The following CCSAP variants were observed in gnomAD, a reference collection of about 807,000 sequenced individuals.
CCSAP encodes the protein centriole, cilia and spindle associated protein.
In CCSAP, 17 loss-of-function variants were observed where a neutral mutation model predicts 25.9. The ratio of observed to expected loss-of-function variants is 0.66; its 90% CI spans 0.45 to 0.99. The LOEUF is 0.99. CCSAP is among the 50% of genes least tolerant of loss of function. The probability of loss-of-function intolerance (pLI) is 0.00; values close to 1 mark genes in which losing one functional copy is unlikely to be tolerated. For missense variants in CCSAP, 339 were observed against 367.8 expected (o/e 0.92, Z 0.64); for synonymous variants, 169 against 157.1 (o/e 1.08, Z -0.57).
In CCSAP at chr1:229,327,460, C is replaced by T. The variant is rs75541202; in HGVS notation, c.368-454G>A. On this transcript the variant is annotated intron_variant, in intron 2 of 3. Coordinates refer to ENST00000284617, the MANE Select transcript of CCSAP (RefSeq NM_145257.5). Reference sequence around the variant, plus strand: ...ACCCGAAAATGCTCCTTAGTCCTTCCGTGCTCCTCCTGAGAGCCGCTTCCT... The same window carrying T: ...ACCCGAAAATGCTCCTTAGTCCTTCTGTGCTCCTCCTGAGAGCCGCTTCCT... The T allele has an allele frequency of 4.9e-3, 2,224 of 453,956 alleles. 32 individuals are homozygous for T. The highest frequency in any genetic ancestry group is 0.04 in the African/African-American group (1,998 of 49,980). The allele number at this position is 453,956 out of a possible 1,614,324, so 28.1% of individuals were successfully genotyped here. A position where few individuals can be genotyped will look rare whatever the true frequency, so the allele number is the denominator to read the frequency against.
At position 229,342,128 on chromosome 1, in the gene CCSAP, G is replaced by A. The variant is rs757639581; in HGVS notation, c.338C>T (p.Ala113Val). ...CAGAGCCGCGTCCTCCGCGTCCTCG[G>A]CCTCCGCGTCCCCGGCCTCCGCGTC... ...EQDAEAGDAE[A>V]EDAEDAALPA... Residue 113 changes from alanine to valine, a missense_variant, in exon 2 of 4, where the codon GCC (alanine) becomes GTC (valine). Ala to Val is a moderately conservative substitution (Grantham distance 64). Transcript: ENST00000284617. The surrounding 1 kb of genome is among the most constrained non-coding windows in gnomAD (Gnocchi z 7.5). 2 of 1,342,858 alleles carry A rather than the reference G, an allele frequency of 1.5e-6. No individual in the cohort carries two copies. Among genetic ancestry groups the A allele is most frequent in the Non-Finnish European group, 1.9e-6 (2 of 1,047,498 alleles). 83.2% of individuals were successfully genotyped at this position (1,342,858 alleles called of 1,614,324 possible).
rs1316475495 is a variant in CCSAP at position 229,341,211 on chromosome 1, A to AAAAAAAAC, written c.367+887_367+888insGTTTTTTT. ...TCCGTCTCAAAAAAAAAAAAAAAAAAAGATTACAACATGGTCTCTTTTGGG... is the reference window on the plus strand; with the variant it reads ...TCCGTCTCAAAAAAAAAAAAAAAAAAAAAAAAACAGATTACAACATGGTCTCTTTTGGG... On this transcript the variant is annotated intron_variant, in intron 2 of 3. Coordinates refer to ENST00000284617, the MANE Select transcript of CCSAP (RefSeq NM_145257.5). Among the ~76,000 whole-genome samples the AAAAAAAAC allele has an allele frequency of 1.1e-4, 16 of 151,846 alleles. 1 individual carries two copies. Among genetic ancestry groups the AAAAAAAAC allele is most frequent in the Non-Finnish European group, 1.5e-4 (10 of 67,914 alleles).
rs1257465696 is a variant in CCSAP, at chr1:229,322,718, A to G, written c.*2517T>C. The G allele has an allele frequency of 6.6e-6, 1 of 152,196 alleles. No individual in the cohort carries two copies. Among genetic ancestry groups the G allele is most frequent in the Non-Finnish European group, 1.5e-5 (1 of 68,028 alleles). The allele number at this position is 152,196 out of a possible 1,614,324, so 9.4% of individuals were successfully genotyped here. ...GTTCACTTCTCCTCCCGCGGACTTAATGTCCAGCAGAGTGCTAGACAATAT... is the reference window on the plus strand; with the variant it reads ...GTTCACTTCTCCTCCCGCGGACTTAGTGTCCAGCAGAGTGCTAGACAATAT... On this transcript the variant is annotated 3_prime_UTR_variant, in exon 4 of 4. Coordinates refer to ENST00000284617, the MANE Select transcript of CCSAP (RefSeq NM_145257.5).
chr1:229,336,748 T>G (rs1489708841), intron 2 of CCSAP, among the ~76,000 whole-genome samples: 1 of 152,196 alleles, frequency 6.6e-6, no homozygotes, highest in African/African-American at 2.4e-5. Context: ...AGGCAGGGAA[T>G]GGAAGACAGC....
intron 3 of CCSAP, among the ~76,000 whole-genome samples, chr1:229,325,868 C>T (rs1198255983): frequency 1.3e-5 from 2 of 152,178 alleles, no homozygotes; most frequent in Non-Finnish European, 2.9e-5. Flanking sequence ...ACAGATAAAT[C>T]CTGTTAAAAT....
At chr1:229,334,885 CAGGCAAA>C (rs1658162467) in intron 2 of CCSAP, among the ~76,000 whole-genome samples, 2 of 152,112 alleles carry the variant, frequency 1.3e-5, no homozygotes, top group African/African-American at 4.8e-5. Context: ...GTGATGACAT[CAGGCAAA>C]AGGCATCAAT....
In CCSAP at chr1:229,342,057, C is replaced by G; in HGVS notation, c.367+42G>C. The G allele has an allele frequency of 1.5e-6, 2 of 1,303,406 alleles. No individual in the cohort carries two copies. Among genetic ancestry groups the G allele is most frequent in the Non-Finnish European group, 1.9e-6 (2 of 1,027,006 alleles). The allele number at this position is 1,303,406 out of a possible 1,614,324, so 80.7% of individuals were successfully genotyped here. ...CTGCTCAGAGCTTAGAGCAAACCGT[C>G]CCTGCGTGCAGGCCCCTCGCGCTCC... On this transcript the variant is annotated intron_variant, in intron 2 of 3. Coordinates refer to ENST00000284617, the MANE Select transcript of CCSAP (RefSeq NM_145257.5). The surrounding 1 kb of genome is among the most constrained non-coding windows in gnomAD (Gnocchi z 7.5).
At chr1:229,336,486 T>C (rs1180355508) in intron 2 of CCSAP, among the ~76,000 whole-genome samples, 1 of 152,098 alleles carries the variant, frequency 6.6e-6, no homozygotes, top group African/African-American at 2.4e-5. Context: ...TTATTCCCCA[T>C]GAGACAGGAG....
intron 2 of CCSAP, among the ~76,000 whole-genome samples, chr1:229,331,816 T>TATTATTATC (rs1658076931): frequency 6.8e-6 from 1 of 147,304 alleles, no homozygotes; most frequent in Non-Finnish European, 1.5e-5. Flanking sequence ...TTATTATTAT[T>TATTATTATC]ATTATTATTA....
rs547185841 is a variant in CCSAP at position 229,323,321 on chromosome 1, T to C, written c.*1914A>G. On this transcript the variant is annotated 3_prime_UTR_variant, in exon 4 of 4. Coordinates refer to ENST00000284617, the MANE Select transcript of CCSAP (RefSeq NM_145257.5). ...TCTAAACAAGAGAAAAGTCTGGCGG[T>C]TCAAAGTCTAGAGGAAGTCGGGTTT... 6.6e-6 allele frequency: 1 copy of C among 152,310 alleles called. No individual in the cohort carries two copies. Among genetic ancestry groups the C allele is most frequent in the South Asian group, 2.1e-4 (1 of 4,830 alleles). 9.4% of individuals were successfully genotyped at this position (152,310 alleles called of 1,614,324 possible). A position where few individuals can be genotyped will look rare whatever the true frequency, so the allele number is the denominator to read the frequency against.
chr1:229,340,810 AAG>A (rs1189285095), intron 2 of CCSAP, among the ~76,000 whole-genome samples: 6 of 152,212 alleles, frequency 3.9e-5, no homozygotes, highest in African/African-American at 1.4e-4. Flanking sequence ...AGAAGCCAGG[AAG>A]AGTCTGATTG....
At chr1:229,333,652 G>A (rs1658134382) in intron 2 of CCSAP, among the ~76,000 whole-genome samples, 1 of 151,982 alleles carries the variant, frequency 6.6e-6, no homozygotes, top group African/African-American at 2.4e-5. Context: ...AGCTGAGGCG[G>A]GTGCATAGCC....
At chr1:229,332,291 G>A (rs920288070) in intron 2 of CCSAP, among the ~76,000 whole-genome samples, 14 of 152,000 alleles carry the variant, frequency 9.2e-5, no homozygotes, top group African/African-American at 3.1e-4. Context: ...CTCGACTTTC[G>A]ACTGGTGGGA....
intron 3 of CCSAP, among the ~76,000 whole-genome samples, chr1:229,325,762 G>A (rs1326129034): frequency 5.9e-5 from 9 of 152,178 alleles, no homozygotes; most frequent in Non-Finnish European, 1.3e-4. Flanking sequence ...CTTATAAACA[G>A]CTCATAAAAA....
At chr1:229,327,633 G>C in intron 2 of CCSAP, 1 of 454,468 alleles carries the variant, frequency 2.2e-6, no homozygotes, top group Non-Finnish European at 4.4e-6. Flanking sequence ...ACTTTGGGAG[G>C]CCGAGGCGAG....
At chr1:229,337,702 C>CATATATATATATATAT (rs1394833041) in intron 2 of CCSAP, among the ~76,000 whole-genome samples, 7 of 48,534 alleles carry the variant, frequency 1.4e-4, no homozygotes, top group Non-Finnish European at 2.6e-4. Context: ...TATATATACA[C>CATATATATATATATAT]ATACATATAT....
At position 229,323,072 on chromosome 1, in the gene CCSAP, AAAAG is replaced by A. The variant is rs1297882873; in HGVS notation, c.*2159_*2162del. 2.6e-5 allele frequency: 4 copies of A among 152,218 alleles called. No individual in the cohort carries two copies. The allele number at this position is 152,218 out of a possible 1,614,324, so 9.4% of individuals were successfully genotyped here. On this transcript the variant is annotated 3_prime_UTR_variant, in exon 4 of 4. Transcript: ENST00000284617. ...TCAAAAGGTAATTGACACTCTTTAA[AAAAG>A]AAAGAAAAGAAACCCTAACCAACTA... is the stretch of plus-strand genomic sequence containing the variant.
rs534927194 is a variant in CCSAP at position 229,336,140 on chromosome 1, G to A, written c.367+5959C>T. Among the ~76,000 whole-genome samples the A allele has an allele frequency of 5.0e-4, 74 of 146,754 alleles. 1 individual carries two copies. Among genetic ancestry groups the A allele is most frequent in the Middle Eastern group, 6.9e-3 (2 of 290 alleles). ...ATTTTGGTATCCATGGGGGTATCTC[G>A]GATGCAATCTCTCCCAGATACCAAG... On this transcript the variant is annotated intron_variant, in intron 2 of 3. Coordinates refer to ENST00000284617, the MANE Select transcript of CCSAP (RefSeq NM_145257.5).
At position 229,323,944 on chromosome 1, in the gene CCSAP, T is replaced by C. The variant is rs1293380376; in HGVS notation, c.*1291A>G. The C allele has an allele frequency of 6.6e-6, 1 of 152,520 alleles. No individual in the cohort carries two copies. Among genetic ancestry groups the C allele is most frequent in the Non-Finnish European group, 1.5e-5 (1 of 68,046 alleles). The allele number at this position is 152,520 out of a possible 1,614,324, so 9.4% of individuals were successfully genotyped here. On this transcript the variant is annotated 3_prime_UTR_variant, in exon 4 of 4. Transcript: ENST00000284617. ...ATAAGGAACTTAGCACATATCCTTC[T>C]AGCAGATTCTTGTCTCCACAGGATG...
Sources: gnomAD v4.1 joint callset for allele counts (sites outside exome capture counted in the v4.1 genomes callset) on GRCh38, gnomAD v4.1.1 for gene constraint, Gnocchi (gnomAD v3.1) non-coding constraint, MANE v1.5 for transcripts, NCBI Gene and HGNC (gene_info 2026-07-23, HGNC 2026-07-21) for gene names.